The following PDS5B variants were observed in gnomAD, a reference collection of about 807,000 sequenced individuals.
PDS5B encodes the protein sister chromatid cohesion protein PDS5 homolog B.
In PDS5B, 51 loss-of-function variants were observed where a neutral mutation model predicts 184.1. That is an observed-to-expected ratio of 0.28 (90% confidence interval 0.22 to 0.35). PDS5B has a LOEUF of 0.35. Among genes scored for constraint, PDS5B ranks in the 10% least tolerant of loss-of-function variants. The pLI is 1.00. For synonymous variants in PDS5B, 566 were observed against 569.2 expected (o/e 0.99, Z 0.08); for missense variants, 1,180 against 1,723.3 (o/e 0.68, Z 5.58).
chr13:32,590,952 C>G (rs553747246), intron 1 of PDS5B, among the ~76,000 whole-genome samples: 1 of 148,718 alleles, frequency 6.7e-6, no homozygotes, highest in South Asian at 2.1e-4. Flanking sequence ...AAAAGTTATA[C>G]AGGTATATGG....
intron 33 of PDS5B, chr13:32,771,088 AT>A (rs71775605): frequency 0.38 from 68,871 of 180,088 alleles, 13,933 homozygotes; most frequent in Non-Finnish European, 0.44. Context: ...CCACACTACA[AT>A]TTTTTTTTTA....
intron 21 of PDS5B, among the ~76,000 whole-genome samples, chr13:32,738,410 T>C (rs1332202098): frequency 6.6e-6 from 1 of 152,226 alleles, no homozygotes; most frequent in Non-Finnish European, 1.5e-5. Flanking sequence ...TATAGCTCAT[T>C]ATAGTCCCAA....
At chr13:32,621,731 C>T (rs575097984) in intron 1 of PDS5B, among the ~76,000 whole-genome samples, 11 of 152,282 alleles carry the variant, frequency 7.2e-5, no homozygotes, top group Middle Eastern at 3.4e-3. Context: ...AAGCAGGACT[C>T]AGCAAACTAT....
Position 32,775,095 on chromosome 13 carries a change from A to AACTTT in PDS5B, c.*43_*44insACTTT. ...CTTTCTCTGTGAAAGCTTTGGAAAA[A>AACTTT]TCTTTTTTTTTTTTTTTGGTCAAGC... On this transcript the variant is annotated 3_prime_UTR_variant, in exon 35 of 35. Coordinates refer to ENST00000315596, the MANE Select transcript of PDS5B (RefSeq NM_015032.4). The AACTTT allele has an allele frequency of 6.9e-5, 38 of 547,552 alleles. No homozygotes were observed. Among genetic ancestry groups the AACTTT allele is most frequent in the Admixed American group, 1.7e-4 (3 of 17,310 alleles). 33.9% of individuals were successfully genotyped at this position (547,552 alleles called of 1,614,324 possible). A position where few individuals can be genotyped will look rare whatever the true frequency, so the allele number is the denominator to read the frequency against.
chr13:32,591,859 T>C (rs1050854395), intron 1 of PDS5B, among the ~76,000 whole-genome samples: 2 of 152,080 alleles, frequency 1.3e-5, no homozygotes, highest in African/African-American at 4.8e-5. Context: ...CTGAGAGAAG[T>C]GGGACTTTAA....
chr13:32,668,503 T>G (rs1950857100), intron 7 of PDS5B, among the ~76,000 whole-genome samples: 2 of 152,324 alleles, frequency 1.3e-5, no homozygotes, highest in Admixed American at 1.3e-4. Flanking sequence ...AGTTTTATTT[T>G]CTCTCCACAG....
At chr13:32,723,447 A>G (rs1305572573) in intron 19 of PDS5B, among the ~76,000 whole-genome samples, 1 of 152,190 alleles carries the variant, frequency 6.6e-6, no homozygotes, top group Non-Finnish European at 1.5e-5. Flanking sequence ...TAGAAAGTCA[A>G]TTTAATGAGG....
intron 21 of PDS5B, among the ~76,000 whole-genome samples, chr13:32,736,370 AT>A (rs1216478143): frequency 1.3e-5 from 2 of 151,400 alleles, no homozygotes; most frequent in African/African-American, 4.9e-5. Context: ...TTTTACCTTA[AT>A]TTTTTAAAGG....
chr13:32,618,262 A>C (rs375153286), intron 1 of PDS5B, among the ~76,000 whole-genome samples: 22 of 152,304 alleles, frequency 1.4e-4, no homozygotes, highest in African/African-American at 5.1e-4. Context: ...AAAAAAAATC[A>C]GTTTTGTGAG....
intron 1 of PDS5B, among the ~76,000 whole-genome samples, chr13:32,618,434 TCTG>T (rs1253559936): frequency 1.3e-5 from 2 of 152,140 alleles, no homozygotes; most frequent in Admixed American, 6.5e-5. Context: ...CACTTGCTAT[TCTG>T]CTCCATCCTG....
chr13:32,764,136 A>T (rs1174035275), intron 30 of PDS5B, among the ~76,000 whole-genome samples: 1 of 152,134 alleles, frequency 6.6e-6, no homozygotes, highest in Non-Finnish European at 1.5e-5. Context: ...CAGAGAGAAG[A>T]AAAAATAGAA....
chr13:32,716,472 C>T (rs1479242153), intron 19 of PDS5B, among the ~76,000 whole-genome samples: 103 of 151,864 alleles, frequency 6.8e-4, no homozygotes, highest in Non-Finnish European at 1.2e-3. Context: ...CGGCAGCCGC[C>T]CCGTCTGAGA....
At chr13:32,750,882 T>C (rs1229245695) in intron 24 of PDS5B, among the ~76,000 whole-genome samples, 3 of 151,492 alleles carry the variant, frequency 2.0e-5, no homozygotes, top group Non-Finnish European at 2.9e-5. Context: ...TGTGTGTGTG[T>C]GTGTGTTTTA....
chr13:32,755,023 G>C (rs1339474241), intron 25 of PDS5B, among the ~76,000 whole-genome samples: 1 of 151,976 alleles, frequency 6.6e-6, no homozygotes, highest in African/African-American at 2.4e-5. Context: ...TTCTTTCCAC[G>C]TCGGCCTTGA....
intron 31 of PDS5B, among the ~76,000 whole-genome samples, chr13:32,765,838 G>T (rs550989965): frequency 2.0e-3 from 301 of 152,352 alleles, no homozygotes; most frequent in African/African-American, 7.0e-3. Flanking sequence ...CTGATGTCAG[G>T]TGATCTGCCT....
At chr13:32,675,668 G>A (rs1951045459) in intron 8 of PDS5B, among the ~76,000 whole-genome samples, 176 bp from the exon 9 acceptor site, 1 of 152,228 alleles carries the variant, frequency 6.6e-6, no homozygotes, top group African/African-American at 2.4e-5. Flanking sequence ...GAGCATTTAT[G>A]ATGACATTTA....
intron 24 of PDS5B, among the ~76,000 whole-genome samples, chr13:32,748,053 C>T (rs1394159585): frequency 6.6e-6 from 1 of 152,158 alleles, no homozygotes; most frequent in Non-Finnish European, 1.5e-5. Context: ...TTTAAGATTG[C>T]TTTGGAATTA....
At chr13:32,709,576 A>G (rs1192190855) in intron 18 of PDS5B, among the ~76,000 whole-genome samples, 1 of 152,048 alleles carries the variant, frequency 6.6e-6, no homozygotes. Context: ...GTCTCTGCTA[A>G]TGATGTTTAT....
At chr13:32,656,143 A>G (rs1355041802) in intron 3 of PDS5B, among the ~76,000 whole-genome samples, 1 of 151,982 alleles carries the variant, frequency 6.6e-6, no homozygotes, top group African/African-American at 2.4e-5. Context: ...GTAGGTGTGT[A>G]GCATTATTTC....
Sources: gnomAD v4.1 joint callset for allele counts (sites outside exome capture counted in the v4.1 genomes callset) on GRCh38, gnomAD v4.1.1 for gene constraint, MANE v1.5 for transcripts, NCBI Gene and HGNC (gene_info 2026-07-23, HGNC 2026-07-21) for gene names.